Variants in SNRPD2 observed in about 807,000 individuals in gnomAD.
The protein encoded by SNRPD2 is small nuclear ribonucleoprotein Sm D2.
Under a neutral mutation model 11.5 loss-of-function variants are expected in SNRPD2, and 1 was observed. That is an observed-to-expected ratio of 0.09 (90% CI 0.03 to 0.41). The LOEUF is 0.41. Among genes scored for constraint, SNRPD2 ranks in the 10% least tolerant of loss-of-function variants. The pLI is 0.98. For synonymous variants in SNRPD2, 63 were observed against 61.5 expected (o/e 1.02, Z -0.12); for missense variants, 77 against 154.9 (o/e 0.50, Z 2.67).
Position 45,687,748 on chromosome 19 carries a change from G to A in SNRPD2, c.183-21C>T. On this transcript the variant is annotated intron_variant, in intron 2 of 2. Transcript: ENST00000342669. This position sits in a 1 kb window ranked among gnomAD's most constrained non-coding sequence, Gnocchi z 4.1. ...AGTGCCTGGTGGGGAACAGGGAGGG[G>A]AGGCACTGGGCGTGAGGGGCGTGCC... 6.2e-7 allele frequency: 1 copy of A among 1,607,922 alleles called. No individual in the cohort carries two copies. Among genetic ancestry groups the A allele is most frequent in the Non-Finnish European group, 8.5e-7 (1 of 1,175,936 alleles).
chr19:45,691,552 G>A, intron 1 of SNRPD2: 1 of 98,320 alleles, frequency 1.0e-5, no homozygotes. Context: ...TTTTTTTTTT[G>A]TAGAGACGGG....
intron 1 of SNRPD2, chr19:45,691,677 G>GTT (rs1967559893): frequency 1.5e-6 from 1 of 671,226 alleles, no homozygotes; most frequent in Admixed American, 2.2e-5. Context: ...AGCCCAGGGC[G>GTT]TTATCTGATA....
chr19:45,690,539 A>T (rs1967512770), intron 1 of SNRPD2: 1 of 151,888 alleles, frequency 6.6e-6, no homozygotes, highest in Admixed American at 6.6e-5. Context: ...CAGTGTAGAA[A>T]GTAAAACCCC....
At chr19:45,689,492 A>G in intron 1 of SNRPD2, 1 of 241,520 alleles carries the variant, frequency 4.1e-6, no homozygotes, top group Non-Finnish European at 8.4e-6. Flanking sequence ...ACATGGTGAA[A>G]CCCCATTTCT....
intron 1 of SNRPD2, among the ~76,000 whole-genome samples, chr19:45,689,024 T>C (rs1469227335): frequency 6.6e-6 from 1 of 152,128 alleles, no homozygotes; most frequent in Non-Finnish European, 1.5e-5. Flanking sequence ...TGAGCCACCG[T>C]GCCCAGCCAG....
At chr19:45,690,188 G>A (rs1041727604) in intron 1 of SNRPD2, among the ~76,000 whole-genome samples, 33 of 150,676 alleles carry the variant, frequency 2.2e-4, no homozygotes, top group Admixed American at 1.7e-3. Flanking sequence ...AAAATTAGCC[G>A]GGCGAGGTGG....
At position 45,687,875 on chromosome 19, in the gene SNRPD2, T is replaced by G. The variant is rs1411914356; in HGVS notation, c.183-148A>C. On this transcript the variant is annotated intron_variant, in intron 2 of 2. Coordinates refer to ENST00000342669, the MANE Select transcript of SNRPD2 (RefSeq NM_001384647.1). The surrounding 1 kb of genome is among the most constrained non-coding windows in gnomAD (Gnocchi z 4.1). The stretch of plus-strand genomic sequence containing the variant: ...GGGATGACCAAGCTGCCAAAGCAAC[T>G]CTGCCAGTCCTTAGGTTGAGGCTGA... 1.4e-5 allele frequency: 9 copies of G among 644,916 alleles called. No individual in the cohort carries two copies. The highest frequency in any genetic ancestry group is 2.5e-5 in the Non-Finnish European group (9 of 366,292). 39.9% of individuals were successfully genotyped at this position (644,916 alleles called of 1,614,324 possible).
chr19:45,692,065 T>C (rs1967576566), upstream of SNRPD2: 1 of 1,538,616 alleles, frequency 6.5e-7, no homozygotes, highest in African/African-American at 1.4e-5. Flanking sequence ...TGCACAATGA[T>C]GGAATAAAAG....
chr19:45,688,736 ATT>A lies in SNRPD2; in HGVS notation c.3-172_3-171del, dbSNP rs770447357. On this transcript the variant is annotated intron_variant, in intron 1 of 2. Coordinates refer to ENST00000342669, the MANE Select transcript of SNRPD2 (RefSeq NM_001384647.1). This position sits in a 1 kb window ranked among gnomAD's most constrained non-coding sequence, Gnocchi z 4.1. Reference sequence around the variant, plus strand: ...ATCATCAGCTAGATGCCTAACAGACATTTTTTTTTTTTTTGAGACGGAGTCTT... The same window carrying A: ...ATCATCAGCTAGATGCCTAACAGACATTTTTTTTTTTTGAGACGGAGTCTT... Among the ~76,000 whole-genome samples, 3 of 142,436 alleles carry A rather than the reference ATT, an allele frequency of 2.1e-5. No individual in the cohort carries two copies. Among genetic ancestry groups the A allele is most frequent in the Non-Finnish European group, 3.1e-5 (2 of 64,812 alleles). 93.4% of individuals were successfully genotyped at this position (142,436 alleles called of 152,430 possible).
intron 1 of SNRPD2, 189 bp downstream of exon 1, chr19:45,691,698 C>T (rs1194929774): frequency 1.4e-6 from 1 of 737,768 alleles, no homozygotes. Context: ...AAGCTGTCCC[C>T]TCTCCCGAAG....
At chr19:45,691,750 C>G (rs1321764310) in intron 1 of SNRPD2, 137 bp downstream of exon 1, 2 of 1,105,608 alleles carry the variant, frequency 1.8e-6, no homozygotes, top group Non-Finnish European at 2.8e-6. Context: ...TCAAACTCAT[C>G]AGGAGAAAAG....
At chr19:45,689,161 T>C (rs758713257) in intron 1 of SNRPD2, 3 of 519,498 alleles carry the variant, frequency 5.8e-6, no homozygotes, top group Non-Finnish European at 1.2e-5. Flanking sequence ...GGGCAAAAAC[T>C]CTTTTGTCAA....
chr19:45,688,317 G>A lies in SNRPD2; in HGVS notation c.182+70C>T. 7.4e-7 allele frequency: 1 copy of A among 1,353,446 alleles called. No individual in the cohort carries two copies. The highest frequency in any genetic ancestry group is 1.2e-5 in the South Asian group (1 of 80,526). The allele number at this position is 1,353,446 out of a possible 1,614,324, so 83.8% of individuals were successfully genotyped here. A position where few individuals can be genotyped will look rare whatever the true frequency, so the allele number is the denominator to read the frequency against. ...AGGCTTCTGAGACAGCTGTCTTTGA[G>A]CTCTTCAGACTGGAGCTGGAGTGGC... On this transcript the variant is annotated intron_variant, in intron 2 of 2. Transcript: ENST00000342669. This position sits in a 1 kb window ranked among gnomAD's most constrained non-coding sequence, Gnocchi z 4.1.
chr19:45,689,118 G>T (rs1967477685), intron 1 of SNRPD2: 1 of 489,562 alleles, frequency 2.0e-6, no homozygotes, highest in Non-Finnish European at 4.1e-6. Context: ...TTCCCCATCT[G>T]CTTTGATGGT....
chr19:45,690,831 C>CAAAAAA, intron 1 of SNRPD2, among the ~76,000 whole-genome samples: 1 of 87,424 alleles, frequency 1.1e-5, no homozygotes, highest in Non-Finnish European at 2.4e-5. Flanking sequence ...GGCTCCGTCT[C>CAAAAAA]AAAAAAAAAA....
rs1184507291 is a variant in SNRPD2 at position 45,687,613 on chromosome 19, C to G, written c.297G>C (p.Met99Ile). The G allele has an allele frequency of 6.2e-7, 1 of 1,614,234 alleles. No individual in the cohort carries two copies. Among genetic ancestry groups the G allele is most frequent in the South Asian group, 1.1e-5 (1 of 91,080 alleles). Reference protein sequence around the residue: ...PVNKDRYISKMFLRGDSVIVV... With the variant: ...PVNKDRYISKIFLRGDSVIVV... ...CGATGACTGAGTCCCCGCGCAGGAA[C>G]ATCTTGGAGATGTAGCGGTCTTTGT... Residue 99 changes from methionine to isoleucine, a missense_variant, in exon 3 of 3, where the codon ATG becomes ATC. Coordinates refer to ENST00000342669, the MANE Select transcript of SNRPD2 (RefSeq NM_001384647.1). The surrounding 1 kb of genome is among the most constrained non-coding windows in gnomAD (Gnocchi z 4.1).
chr19:45,688,979 C>T lies in SNRPD2; in HGVS notation c.3-413G>A, dbSNP rs1440147281. ...TGATTTCTTGACCTTGTGATCCACC[C>T]GCCTCGACCTCCCAAAGTGCTGAGA... is the stretch of plus-strand genomic sequence containing the variant. On this transcript the variant is annotated intron_variant, in intron 1 of 2. Coordinates refer to ENST00000342669, the MANE Select transcript of SNRPD2 (RefSeq NM_001384647.1). This position sits in a 1 kb window ranked among gnomAD's most constrained non-coding sequence, Gnocchi z 4.1. Among the ~76,000 whole-genome samples, 2 of 152,084 alleles carry T rather than the reference C, an allele frequency of 1.3e-5. No homozygotes were observed. The highest frequency in any genetic ancestry group is 2.4e-5 in the African/African-American group (1 of 41,396).
intron 1 of SNRPD2, among the ~76,000 whole-genome samples, chr19:45,690,976 C>T (rs1171200278): frequency 6.6e-6 from 1 of 152,042 alleles, no homozygotes; most frequent in African/African-American, 2.4e-5. Context: ...CTAATAAATG[C>T]GCAAAATCAT....
At chr19:45,689,528 C>T (rs1211590917) in intron 1 of SNRPD2, among the ~76,000 whole-genome samples, 1 of 151,684 alleles carries the variant, frequency 6.6e-6, no homozygotes, top group African/African-American at 2.4e-5. Flanking sequence ...CAAAACAAAA[C>T]AAAACAACAA....
Sources: gnomAD v4.1 joint callset for allele counts (sites outside exome capture counted in the v4.1 genomes callset) on GRCh38, gnomAD v4.1.1 for gene constraint, Gnocchi (gnomAD v3.1) non-coding constraint, MANE v1.5 for transcripts, NCBI Gene and HGNC (gene_info 2026-07-23, HGNC 2026-07-21) for gene names.